The following GNB1 variants were observed in gnomAD, a reference collection of about 807,000 sequenced individuals.
The protein encoded by GNB1 is G protein subunit beta 1.
A neutral mutation model predicts 42.9 loss-of-function variants in GNB1; 2 were observed. The ratio of observed to expected loss-of-function variants is 0.05; its 90% CI spans 0.02 to 0.15. The LOEUF (loss-of-function observed/expected upper bound fraction) is 0.15, where lower values mean the gene tolerates loss of function less well. GNB1 is among the 10% of genes least tolerant of loss of function. The pLI is 1.00. For synonymous variants in GNB1, 183 were observed against 174.7 expected (o/e 1.05, Z -0.38); for missense variants, 193 against 462.2 (o/e 0.42, Z 5.34).
At chr1:1,867,215 C>T (rs946015038) in intron 1 of GNB1, among the ~76,000 whole-genome samples, 9 of 152,080 alleles carry the variant, frequency 5.9e-5, no homozygotes, top group African/African-American at 1.4e-4. Context: ...TGCAGTGAGC[C>T]GAGATCAGGC....
intron 1 of GNB1, among the ~76,000 whole-genome samples, chr1:1,866,258 A>T (rs570930343): frequency 3.9e-5 from 6 of 152,220 alleles, no homozygotes; most frequent in African/African-American, 1.4e-4. Flanking sequence ...GTATCTTAAA[A>T]CAGTATGTTC....
chr1:1,851,324 C>T (rs577412267), intron 1 of GNB1, among the ~76,000 whole-genome samples: 42 of 151,642 alleles, frequency 2.8e-4, no homozygotes, highest in Admixed American at 1.4e-3. Context: ...GCAGGAGAAT[C>T]GCTTGAACCC....
At chr1:1,817,816 C>A (rs1201452313) in intron 4 of GNB1, 21 bp downstream of exon 4, 2 of 1,588,268 alleles carry the variant, frequency 1.3e-6, no homozygotes, top group Non-Finnish European at 1.7e-6. Flanking sequence ...GATGGCTCTG[C>A]GTGACTCAGT....
rs548783482 is a variant in GNB1, at chr1:1,789,261, T to C, written c.708A>G (p.Pro236=). ...AGCCAGTGGCAAATGCATTGCCATT[T>C]GGAAAGAACTGGAAAGAGAAAGCAA... The part of the protein sequence containing the change: ...ESDINAICFF[P]NGNAFATGSD... The change falls in exon 10 of 12, where the codon CCA becomes CCG. Residue 236 remains proline (P), a synonymous_variant. Coordinates refer to ENST00000378609, the MANE Select transcript of GNB1 (RefSeq NM_002074.5). The C allele has an allele frequency of 2.0e-5, 32 of 1,564,736 alleles. 1 individual carries two copies. Among genetic ancestry groups the C allele is most frequent in the Middle Eastern group, 3.3e-4 (2 of 5,990 alleles).
intron 1 of GNB1, chr1:1,890,238 C>G (rs1353543438): frequency 6.6e-6 from 1 of 152,170 alleles, no homozygotes; most frequent in Non-Finnish European, 1.5e-5. Flanking sequence ...TTTCCCATTT[C>G]CCGACGCCGC....
At chr1:1,807,209 C>G (rs1209278432) in intron 5 of GNB1, among the ~76,000 whole-genome samples, 1 of 152,012 alleles carries the variant, frequency 6.6e-6, no homozygotes, top group Non-Finnish European at 1.5e-5. Context: ...TGTCTTTAAT[C>G]CCAACACTTT....
chr1:1,815,112 TAA>T (rs762856445), intron 5 of GNB1, among the ~76,000 whole-genome samples: 66 of 123,224 alleles, frequency 5.4e-4, no homozygotes, highest in Admixed American at 7.5e-4. Flanking sequence ...ACTCCGTCTT[TAA>T]AAAAAAAAAA....
intron 7 of GNB1, among the ~76,000 whole-genome samples, chr1:1,801,604 T>C (rs1646627661): frequency 6.6e-6 from 1 of 152,006 alleles, no homozygotes; most frequent in South Asian, 2.1e-4. Flanking sequence ...TCAGGCAAAA[T>C]GGTTTACCTA....
intron 1 of GNB1, among the ~76,000 whole-genome samples, chr1:1,869,185 CAAAAAAA>C (rs71578347): frequency 0.026 from 691 of 26,710 alleles, 8 homozygotes; most frequent in Non-Finnish European, 0.04. Flanking sequence ...GACACCTTCT[CAAAAAAA>C]AAAAAAAAAA....
At chr1:1,852,486 T>G (rs969912772) in intron 1 of GNB1, among the ~76,000 whole-genome samples, 1 of 151,896 alleles carries the variant, frequency 6.6e-6, no homozygotes, top group African/African-American at 2.4e-5. Flanking sequence ...CGCCTCAGTC[T>G]CCCAAAGTGC....
chr1:1,821,530 A>T lies in GNB1; in HGVS notation c.58-3655T>A, dbSNP rs1006645788. Among the ~76,000 whole-genome samples, 5 of 152,340 alleles carry T rather than the reference A, an allele frequency of 3.3e-5. No homozygotes were observed. In the East Asian group the frequency reaches 7.7e-4, roughly 24 times the overall value. Reference sequence around the variant, plus strand: ...TTTAACAAGCACGTATTCCTTGGGCAATCAGGAAAAAATGTTCTACATTTT... The same window carrying T: ...TTTAACAAGCACGTATTCCTTGGGCTATCAGGAAAAAATGTTCTACATTTT... On this transcript the variant is annotated intron_variant, in intron 3 of 11. Transcript: ENST00000378609.
chr1:1,806,079 TTAAAG>T (rs1307276854), intron 6 of GNB1, among the ~76,000 whole-genome samples: 2 of 152,248 alleles, frequency 1.3e-5, no homozygotes, highest in Admixed American at 6.5e-5. Context: ...AAATTACACT[TTAAAG>T]TATGATGTCT....
intron 1 of GNB1, among the ~76,000 whole-genome samples, chr1:1,850,998 G>A (rs534503128): frequency 1.2e-4 from 19 of 152,210 alleles, no homozygotes; most frequent in Non-Finnish European, 2.2e-4. Flanking sequence ...GGCCAGGCGC[G>A]GTGGCTTACG....
chr1:1,830,766 C>G (rs1041595321), intron 2 of GNB1, among the ~76,000 whole-genome samples: 1 of 151,940 alleles, frequency 6.6e-6, no homozygotes, highest in African/African-American at 2.4e-5. Flanking sequence ...GGGCTGGTCT[C>G]AAACTCTTGG....
chr1:1,815,623 G>A, intron 5 of GNB1, 133 bp downstream of exon 5: 2 of 613,030 alleles, frequency 3.3e-6, no homozygotes, highest in Admixed American at 2.8e-5. Context: ...CACCTTGCGT[G>A]CCCAGAGTTC....
intron 1 of GNB1, among the ~76,000 whole-genome samples, chr1:1,866,910 C>T (rs892058375): frequency 4.0e-5 from 6 of 150,756 alleles, no homozygotes; most frequent in African/African-American, 1.2e-4. Flanking sequence ...GCTGAGATCG[C>T]GCCACTGCAC....
chr1:1,875,316 C>T (rs1329593219), intron 1 of GNB1, among the ~76,000 whole-genome samples: 2 of 152,040 alleles, frequency 1.3e-5, no homozygotes, highest in African/African-American at 4.8e-5. Context: ...CTCAGTCTCC[C>T]AAGTAGCTGG....
intron 1 of GNB1, among the ~76,000 whole-genome samples, chr1:1,844,484 AAT>A (rs1439189241): frequency 1.7e-4 from 26 of 152,260 alleles, no homozygotes; most frequent in Admixed American, 3.9e-4. Flanking sequence ...ATTAAATATT[AAT>A]ATGACTTCTT....
At chr1:1,860,227 C>G (rs1051698110) in intron 1 of GNB1, among the ~76,000 whole-genome samples, 3 of 152,036 alleles carry the variant, frequency 2.0e-5, no homozygotes, top group African/African-American at 7.3e-5. Context: ...AGCTAAACAT[C>G]AGGGACTTGT....
Sources: allele counts gnomAD v4.1 joint callset (sites outside exome capture counted in the v4.1 genomes callset), GRCh38; gene constraint gnomAD v4.1.1; transcripts MANE v1.5; gene names NCBI Gene and HGNC (gene_info 2026-07-23, HGNC 2026-07-21).